The following PPP1R9A variants were observed in gnomAD, a reference collection of about 807,000 sequenced individuals.
The protein encoded by PPP1R9A is neurabin-1.
PPP1R9A carries 59 observed loss-of-function variants against 141.9 expected under a neutral mutation model. The observed-to-expected ratio is 0.42, with a 90% CI of 0.34 to 0.52. The LOEUF (loss-of-function observed/expected upper bound fraction) is 0.52, where lower values mean the gene tolerates loss of function less well. PPP1R9A is among the 20% of genes least tolerant of loss of function. PPP1R9A has a pLI of 0.10. For synonymous variants in PPP1R9A, 500 were observed against 569.7 expected (o/e 0.88, Z 1.74); for missense variants, 1,444 against 1,611.9 (o/e 0.90, Z 1.78).
At chr7:94,916,477 G>A (rs769619469) in intron 2 of PPP1R9A, among the ~76,000 whole-genome samples, 11 of 152,150 alleles carry the variant, frequency 7.2e-5, no homozygotes, top group Non-Finnish European at 1.5e-4. Flanking sequence ...TTTCCAGATG[G>A]GCTGCTATAT....
chr7:95,092,358 T>TTC (rs1817473965), intron 2 of PPP1R9A, among the ~76,000 whole-genome samples: 1 of 151,904 alleles, frequency 6.6e-6, no homozygotes, highest in Non-Finnish European at 1.5e-5. Context: ...TTTTTTTTTT[T>TTC]TTTGATTAAA....
At chr7:95,221,398 T>C (rs1006804647) in intron 7 of PPP1R9A, among the ~76,000 whole-genome samples, 2 of 152,004 alleles carry the variant, frequency 1.3e-5, no homozygotes, top group Non-Finnish European at 2.9e-5. Context: ...CTTTCATTGA[T>C]CCCCACTTAA....
chr7:95,018,597 A>G (rs1206364764), intron 2 of PPP1R9A: 1 of 152,336 alleles, frequency 6.6e-6, no homozygotes, highest in African/African-American at 2.4e-5. Flanking sequence ...CCACGATAGT[A>G]AGCATAATGT....
At chr7:95,159,143 C>T (rs548722431) in intron 4 of PPP1R9A, among the ~76,000 whole-genome samples, 1 of 152,144 alleles carries the variant, frequency 6.6e-6, no homozygotes, top group African/African-American at 2.4e-5. Context: ...CACAATTGTC[C>T]AGCTGCAAAA....
chr7:95,033,208 T>A (rs1285477720), intron 2 of PPP1R9A, among the ~76,000 whole-genome samples: 1 of 141,498 alleles, frequency 7.1e-6, no homozygotes, highest in African/African-American at 2.7e-5. Flanking sequence ...TAGAGACGGG[T>A]TTTCACCGTG....
At chr7:95,092,439 A>AGTGCT (rs775283015) in intron 2 of PPP1R9A, among the ~76,000 whole-genome samples, 3 of 151,238 alleles carry the variant, frequency 2.0e-5, no homozygotes, top group Non-Finnish European at 4.4e-5. Flanking sequence ...CCTAAATACC[A>AGTGCT]GTGCTTACAG....
In PPP1R9A at chr7:95,020,956, G is replaced by A. The variant is rs543280098; in HGVS notation, c.1396-90303G>A. ...ACATACGTGTGCATGTGTCTTTACA[G>A]TAGAATGATTTATAATCCTTTGGGT... On this transcript the variant is annotated intron_variant, in intron 2 of 19. Transcript: ENST00000433360. Among the ~76,000 whole-genome samples the A allele has an allele frequency of 3.3e-5, 5 of 152,312 alleles. 1 individual carries two copies. The East Asian group carries it at 9.6e-4, about 29-fold the overall frequency.
intron 2 of PPP1R9A, among the ~76,000 whole-genome samples, chr7:95,072,846 T>TATA (rs10692761): frequency 0.63 from 63,254 of 100,884 alleles, 20,328 homozygotes; most frequent in African/African-American, 0.75. Flanking sequence ...AATTATTATA[T>TATA]ATAATATAAG....
intron 5 of PPP1R9A, among the ~76,000 whole-genome samples, chr7:95,167,768 G>C (rs1348853535): frequency 6.6e-6 from 1 of 151,594 alleles, no homozygotes; most frequent in African/African-American, 2.4e-5. Context: ...TAATGAACTA[G>C]CTGAGAAAGA....
chr7:95,133,683 T>G (rs1825097116), intron 4 of PPP1R9A, among the ~76,000 whole-genome samples: 1 of 151,938 alleles, frequency 6.6e-6, no homozygotes, highest in Admixed American at 6.6e-5. Context: ...GCATTACATT[T>G]TATTTGATTT....
intron 3 of PPP1R9A, among the ~76,000 whole-genome samples, chr7:95,117,609 T>C (rs1480373027): frequency 6.6e-6 from 1 of 151,982 alleles, no homozygotes; most frequent in Non-Finnish European, 1.5e-5. Context: ...GCAGAGAAAA[T>C]GGATTTAGAA....
intron 2 of PPP1R9A, among the ~76,000 whole-genome samples, chr7:95,028,499 C>T (rs770124310): frequency 6.6e-6 from 1 of 151,994 alleles, no homozygotes; most frequent in Non-Finnish European, 1.5e-5. Context: ...ATATATTGTT[C>T]ATGTAATTGC....
chr7:95,268,380 C>A (rs1361336444), intron 12 of PPP1R9A, among the ~76,000 whole-genome samples, 170 bp from the exon 13 acceptor site: 1 of 151,950 alleles, frequency 6.6e-6, no homozygotes, highest in Non-Finnish European at 1.5e-5. Flanking sequence ...TTGTATATTT[C>A]TCCTAAGCCC....
chr7:94,946,210 C>G (rs528872666), intron 2 of PPP1R9A, among the ~76,000 whole-genome samples: 1 of 151,166 alleles, frequency 6.6e-6, no homozygotes, highest in African/African-American at 2.4e-5. Context: ...TTTTTTCATT[C>G]TCTAAAATGG....
In PPP1R9A at chr7:95,225,981, T is replaced by TGAA. The variant is rs760635468; in HGVS notation, c.1986_1988dup (p.Glu662dup). Reference sequence around the variant, plus strand: ...TTCAGACAGGAGAATATGCCACAGATGAAGAAGAAGATGAGGTAGGACCTG... The same window carrying TGAA: ...TTCAGACAGGAGAATATGCCACAGATGAAGAAGAAGAAGATGAGGTAGGACCTG... On this transcript the variant is annotated inframe_insertion, in exon 8 of 20. Coordinates refer to ENST00000433360, the MANE Select transcript of PPP1R9A (RefSeq NM_001166160.2). The TGAA allele has an allele frequency of 1.9e-6, 3 of 1,609,596 alleles. No individual in the cohort carries two copies.
chr7:95,148,977 G>A (rs1828153313), intron 4 of PPP1R9A, among the ~76,000 whole-genome samples: 1 of 151,776 alleles, frequency 6.6e-6, no homozygotes, highest in South Asian at 2.1e-4. Flanking sequence ...TATGTATATT[G>A]ATATATACAA....
chr7:95,035,644 C>T (rs1808332258), intron 2 of PPP1R9A: 1 of 152,110 alleles, frequency 6.6e-6, no homozygotes, highest in African/African-American at 2.4e-5. Context: ...AGATTTATTT[C>T]TGTTTGACTA....
chr7:95,049,169 T>C (rs1236793260), intron 2 of PPP1R9A, among the ~76,000 whole-genome samples: 1 of 152,048 alleles, frequency 6.6e-6, no homozygotes, highest in African/African-American at 2.4e-5. Flanking sequence ...TGCATAGGAG[T>C]ATGTAGAAGG....
intron 2 of PPP1R9A, among the ~76,000 whole-genome samples, chr7:95,110,193 G>A (rs1052007058): frequency 6.6e-6 from 1 of 152,136 alleles, no homozygotes; most frequent in African/African-American, 2.4e-5. Flanking sequence ...ATAGAATATA[G>A]GAATTACTTG....
Sources: allele counts gnomAD v4.1 joint callset (sites outside exome capture counted in the v4.1 genomes callset), GRCh38; gene constraint gnomAD v4.1.1; transcripts MANE v1.5; gene names NCBI Gene and HGNC (gene_info 2026-07-23, HGNC 2026-07-21).